The following RPL34 variants were observed in gnomAD, a reference collection of about 807,000 sequenced individuals.
RPL34 encodes the protein large ribosomal subunit protein eL34.
In RPL34, 2 loss-of-function variants were observed where a neutral mutation model predicts 16.3. That is an observed-to-expected ratio of 0.12 (90% confidence interval 0.05 to 0.39). The LOEUF (loss-of-function observed/expected upper bound fraction) is 0.39. Ranked by LOEUF, RPL34 falls within the 10% of genes least tolerant of loss-of-function variation. RPL34 has a pLI of 0.99. For synonymous variants in RPL34, 47 were observed against 48.5 expected, an observed-to-expected ratio of 0.97 and a Z score of 0.13; for missense variants, 82 against 148.8, an observed-to-expected ratio of 0.55 and a Z score of 2.33.
intron 4 of RPL34, 71 bp downstream of exon 4, chr4:108,622,689 C>G: frequency 1.1e-6 from 1 of 933,156 alleles, no homozygotes. Flanking sequence ...CTGATCAGTA[C>G]AATGGTGAAG....
At position 108,622,101 on chromosome 4, in the gene RPL34, C is replaced by A; in HGVS notation, c.66-4C>A. The A allele has an allele frequency of 1.2e-6, 2 of 1,610,862 alleles. No individual in the cohort carries two copies. Among genetic ancestry groups the A allele is most frequent in the Non-Finnish European group, 8.5e-7 (1 of 1,177,006 alleles). On this transcript the variant is annotated splice_region_variant and splice_polypyrimidine_tract_variant and intron_variant, in intron 2 of 4. Transcript: ENST00000394667. ...GCTGACCTACTGACTGTTTCACTTTCTAGGTCCCGAACCCCTGGTAATAGA... is the reference window on the plus strand; with the variant it reads ...GCTGACCTACTGACTGTTTCACTTTATAGGTCCCGAACCCCTGGTAATAGA...
Position 108,622,121 on chromosome 4 carries a change from A to G in RPL34, c.82A>G (p.Asn28Asp). 1.9e-6 allele frequency: 3 copies of G among 1,613,732 alleles called. No homozygotes were observed. Among genetic ancestry groups the G allele is most frequent in the Non-Finnish European group, 2.5e-6 (3 of 1,179,646 alleles). The stretch of plus-strand genomic sequence containing the variant: ...ACTTTCTAGGTCCCGAACCCCTGGT[A>G]ATAGAATTGTTTACCTTTATACCAA... Reference protein sequence around the residue: ...NKTRLSRTPGNRIVYLYTKKV... With the variant: ...NKTRLSRTPGDRIVYLYTKKV... Residue 28 changes from asparagine to aspartate, a missense_variant, in exon 3 of 5, where the codon AAT becomes GAT. Transcript: ENST00000394667.
intron 4 of RPL34, chr4:108,623,471 G>C (rs1041629810): frequency 6.6e-6 from 1 of 152,408 alleles, no homozygotes; most frequent in Non-Finnish European, 1.5e-5. Context: ...GTCCAGTGGT[G>C]TGATCTTGGC....
In RPL34 at chr4:108,625,264, CTTTT is replaced by C. The variant is rs751324295; in HGVS notation, c.*60_*63del. On this transcript the variant is annotated 3_prime_UTR_variant, in exon 5 of 5. Coordinates refer to ENST00000394667, the MANE Select transcript of RPL34 (RefSeq NM_001319236.2). ...AAATGAAAAGACGCTGTATGTATGA[CTTTT>C]TTTTTTTCTGTTGTAATGTGTTAGT... The C allele has an allele frequency of 9.2e-6, 8 of 865,632 alleles. 1 individual carries two copies. The South Asian group carries it at 1.1e-4, about 12-fold the overall frequency. 53.6% of individuals were successfully genotyped at this position (865,632 alleles called of 1,614,324 possible).
chr4:108,621,935 T>G lies in RPL34; in HGVS notation c.-9-16T>G, dbSNP rs1239518435. On this transcript the variant is annotated splice_polypyrimidine_tract_variant and intron_variant, in intron 1 of 4. Coordinates refer to ENST00000394667, the MANE Select transcript of RPL34 (RefSeq NM_001319236.2). ...TTACAATGGAAAGATTTGATGTTAC[T>G]CTATTCTTAATTTAGGCACTCAGAA... 9.1e-6 allele frequency: 14 copies of G among 1,538,906 alleles called. No homozygotes were observed. The highest frequency in any genetic ancestry group is 1.3e-5 in the Non-Finnish European group (14 of 1,113,370).
chr4:108,627,204 ACT>A (rs1396380091), downstream of RPL34, among the ~76,000 whole-genome samples: 3 of 151,536 alleles, frequency 2.0e-5, no homozygotes, highest in South Asian at 4.2e-4. Context: ...GCGCCACTGT[ACT>A]CTCGCCTGTG....
chr4:108,626,735 G>A (rs992643221), downstream of RPL34, among the ~76,000 whole-genome samples: 1 of 151,426 alleles, frequency 6.6e-6, no homozygotes. Flanking sequence ...CCTTGCACCC[G>A]GCCAACACCA....
intron 4 of RPL34, chr4:108,622,859 T>C (rs1301294889): frequency 2.6e-6 from 1 of 388,672 alleles, no homozygotes; most frequent in African/African-American, 2.1e-5. Context: ...AGGAGGTGGG[T>C]AAGAAAGTCT....
chr4:108,623,765 A>C (rs764121760), intron 4 of RPL34, among the ~76,000 whole-genome samples: 1 of 152,224 alleles, frequency 6.6e-6, no homozygotes, highest in Non-Finnish European at 1.5e-5. Context: ...TCTGCATTTT[A>C]GGAGGTAGAT....
At chr4:108,624,146 C>A (rs555027510) in intron 4 of RPL34, among the ~76,000 whole-genome samples, 2 of 152,150 alleles carry the variant, frequency 1.3e-5, no homozygotes, top group African/African-American at 4.8e-5. Context: ...ATTCTCGGGC[C>A]TTATCTCCTG....
chr4:108,622,710 T>A, intron 4 of RPL34, 92 bp downstream of exon 4: 1 of 729,688 alleles, frequency 1.4e-6, no homozygotes, highest in Non-Finnish European at 2.3e-6. Context: ...CAACTCATTT[T>A]AAACCAGTTG....
In RPL34 at chr4:108,622,901, T is replaced by C. The variant is rs1207244377; in HGVS notation, c.269+283T>C. 7 of 298,086 alleles carry C rather than the reference T, an allele frequency of 2.3e-5. No homozygotes were observed. In the Admixed American group the frequency reaches 2.7e-4, roughly 12 times the overall value. 18.5% of individuals were successfully genotyped at this position (298,086 alleles called of 1,614,324 possible). A position where few individuals can be genotyped will look rare whatever the true frequency, so the allele number is the denominator to read the frequency against. On this transcript the variant is annotated intron_variant, in intron 4 of 4. Coordinates refer to ENST00000394667, the MANE Select transcript of RPL34 (RefSeq NM_001319236.2). ...GTGGTTTGGACAAAGATAGATGGAG[T>C]GTGGAAGGTGTTAAAAGTGTAGGAA... is the stretch of plus-strand genomic sequence containing the variant.
At chr4:108,625,819 A>G (rs1319125027), downstream of RPL34, among the ~76,000 whole-genome samples, 1 of 152,176 alleles carries the variant, frequency 6.6e-6, no homozygotes, top group Non-Finnish European at 1.5e-5. Flanking sequence ...TTTGGGAGGA[A>G]TGGCCCTTCT....
chr4:108,621,930 G>A (rs757058001), intron 1 of RPL34, 21 bp from the exon 2 acceptor site: 11 of 1,511,632 alleles, frequency 7.3e-6, no homozygotes, highest in Non-Finnish European at 9.2e-7. Context: ...AAGATTTGAT[G>A]TTACTCTATT....
In RPL34 at chr4:108,622,553, C is replaced by T. The variant is rs1395376034; in HGVS notation, c.204C>T (p.Ser68=). The T allele has an allele frequency of 1.2e-6, 2 of 1,610,626 alleles. No individual in the cohort carries two copies. The highest frequency in any genetic ancestry group is 1.7e-5 in the Admixed American group (1 of 58,996). ...AVRPKVLMRL[S]KTKKHVSRAY... ...GACCTAAAGTTCTTATGAGATTGTC[C>T]AAAACAAAGAAACATGTCAGCAGGG... Residue 68 remains serine, a synonymous_variant, in exon 4 of 5, where the codon TCC becomes TCT. Transcript: ENST00000394667.
At chr4:108,623,576 A>AT (rs1054122964) in intron 4 of RPL34, among the ~76,000 whole-genome samples, 29 of 151,994 alleles carry the variant, frequency 1.9e-4, no homozygotes, top group Non-Finnish European at 3.7e-4. Flanking sequence ...CACTTGACTG[A>AT]TTTTTTGTAT....
chr4:108,624,232 G>T (rs940066587), intron 4 of RPL34, among the ~76,000 whole-genome samples: 2 of 152,136 alleles, frequency 1.3e-5, no homozygotes, highest in South Asian at 4.1e-4. Flanking sequence ...GTCTGCATGT[G>T]GTCTGTGCTT....
chr4:108,622,819 G>T (rs1183814860), intron 4 of RPL34: 2 of 444,660 alleles, frequency 4.5e-6, no homozygotes, highest in Non-Finnish European at 8.0e-6. Context: ...TATGCTAGAT[G>T]TGGAGATTAA....
At chr4:108,621,208 G>T (rs1304141532) in intron 1 of RPL34, 1 of 152,184 alleles carries the variant, frequency 6.6e-6, no homozygotes, top group African/African-American at 2.4e-5. Context: ...TACAAGGGGT[G>T]GAATGGGAAG....
Sources: gnomAD v4.1 joint callset for allele counts (sites outside exome capture counted in the v4.1 genomes callset) on GRCh38, gnomAD v4.1.1 for gene constraint, MANE v1.5 for transcripts, NCBI Gene and HGNC (gene_info 2026-07-23, HGNC 2026-07-21) for gene names.